Variants in PRKCE observed in about 807,000 individuals in gnomAD.
PRKCE encodes protein kinase C epsilon type.
A neutral mutation model predicts 85.4 loss-of-function variants in PRKCE; 16 were observed. That is an observed-to-expected ratio of 0.19 (90% CI 0.13 to 0.28). PRKCE has a LOEUF of 0.28. PRKCE is among the 10% of genes least tolerant of loss of function. The pLI, the probability that PRKCE is intolerant of heterozygous loss-of-function variation, is 1.00. For missense variants in PRKCE, 573 were observed against 975.2 expected (o/e 0.59, Z 5.49); for synonymous variants, 388 against 371.5 (o/e 1.04, Z -0.51).
intron 2 of PRKCE, among the ~76,000 whole-genome samples, chr2:45,906,799 T>A (rs1052601720): frequency 2.6e-5 from 4 of 152,236 alleles, no homozygotes; most frequent in Admixed American, 2.6e-4. Flanking sequence ...AGGTGCCTGC[T>A]GTATGTGCCT....
intron 10 of PRKCE, among the ~76,000 whole-genome samples, chr2:46,081,112 C>T (rs555659989): frequency 6.6e-6 from 1 of 152,300 alleles, no homozygotes; most frequent in Admixed American, 6.5e-5. Flanking sequence ...CCACCTCAGC[C>T]TCCCAAGTAG....
chr2:45,902,337 C>A (rs1696641127), intron 2 of PRKCE, among the ~76,000 whole-genome samples: 1 of 152,162 alleles, frequency 6.6e-6, no homozygotes, highest in African/African-American at 2.4e-5. Flanking sequence ...TGCCTATAAG[C>A]TCTTACCAAA....
chr2:46,069,721 T>C (rs1241223116), intron 10 of PRKCE, among the ~76,000 whole-genome samples: 1 of 152,234 alleles, frequency 6.6e-6, no homozygotes, highest in African/African-American at 2.4e-5. Context: ...AAAGTCTTGG[T>C]AAAAAGATTT....
intron 1 of PRKCE, among the ~76,000 whole-genome samples, chr2:45,739,095 C>G (rs534797438): frequency 1.5e-4 from 23 of 152,334 alleles, no homozygotes; most frequent in African/African-American, 5.5e-4. Flanking sequence ...AAGATCTTCC[C>G]AAGTGGTGGC....
At chr2:45,743,568 G>A (rs1174916637) in intron 1 of PRKCE, among the ~76,000 whole-genome samples, 1 of 152,054 alleles carries the variant, frequency 6.6e-6, no homozygotes. Flanking sequence ...GATGTAGGAA[G>A]TTAGCTCATC....
chr2:45,848,993 A>G (rs1426209460), intron 2 of PRKCE, among the ~76,000 whole-genome samples: 1 of 152,194 alleles, frequency 6.6e-6, no homozygotes, highest in Non-Finnish European at 1.5e-5. Flanking sequence ...ATTATCAAAG[A>G]CAGCTTTGAA....
At chr2:45,785,127 A>G (rs1196013326) in intron 1 of PRKCE, among the ~76,000 whole-genome samples, 1 of 152,232 alleles carries the variant, frequency 6.6e-6, no homozygotes, top group Non-Finnish European at 1.5e-5. Context: ...GCATTAAAAA[A>G]TACTATGGCC....
At chr2:45,919,911 G>C (rs1413198681) in intron 2 of PRKCE, among the ~76,000 whole-genome samples, 2 of 152,226 alleles carry the variant, frequency 1.3e-5, no homozygotes, top group Non-Finnish European at 1.5e-5. Context: ...CACTAGGTGT[G>C]GAAAAGGGTG....
At chr2:45,839,833 G>A (rs1031477075) in intron 1 of PRKCE, among the ~76,000 whole-genome samples, 7 of 152,166 alleles carry the variant, frequency 4.6e-5, no homozygotes, top group Admixed American at 2.0e-4. Flanking sequence ...GGCGATCTGC[G>A]GCCATCTGCT....
chr2:46,083,511 C>T (rs533978633), intron 10 of PRKCE, among the ~76,000 whole-genome samples: 1 of 151,698 alleles, frequency 6.6e-6, no homozygotes, highest in South Asian at 2.1e-4. Context: ...TGCTAAAGTC[C>T]GAGTCCAGGG....
At chr2:45,760,411 A>C (rs1223020735) in intron 1 of PRKCE, among the ~76,000 whole-genome samples, 7 of 152,058 alleles carry the variant, frequency 4.6e-5, no homozygotes, top group African/African-American at 1.7e-4. Flanking sequence ...AAGTCTACCA[A>C]CTCTTCAGGG....
At chr2:45,968,117 C>A (rs562125092) in intron 2 of PRKCE, among the ~76,000 whole-genome samples, 16 of 152,176 alleles carry the variant, frequency 1.1e-4, no homozygotes, top group Non-Finnish European at 1.5e-4. Context: ...GCTCCATATA[C>A]TCTGGAAGGC....
intron 10 of PRKCE, among the ~76,000 whole-genome samples, chr2:46,024,613 G>A (rs1438650227): frequency 6.6e-6 from 1 of 152,164 alleles, no homozygotes; most frequent in African/African-American, 2.4e-5. Flanking sequence ...GAGCCTGCTG[G>A]TGCTAACAGA....
At chr2:45,949,871 C>G (rs1039607410) in intron 2 of PRKCE, among the ~76,000 whole-genome samples, 21 of 138,042 alleles carry the variant, frequency 1.5e-4, no homozygotes, top group African/African-American at 3.7e-4. Context: ...GATAGCGAAG[C>G]CTTCATTCTT....
At chr2:45,978,093 C>T (rs944164047) in intron 3 of PRKCE, 2 of 152,252 alleles carry the variant, frequency 1.3e-5, no homozygotes, top group African/African-American at 4.8e-5. Flanking sequence ...GCAAGCCCAG[C>T]CCAACTGAGG....
chr2:46,016,122 C>G (rs1376677045), intron 10 of PRKCE, among the ~76,000 whole-genome samples: 1 of 152,176 alleles, frequency 6.6e-6, no homozygotes. Flanking sequence ...CTCTTTACTT[C>G]TGAAGACCAT....
At chr2:45,865,482 G>A (rs772130631) in intron 2 of PRKCE, among the ~76,000 whole-genome samples, 6 of 152,290 alleles carry the variant, frequency 3.9e-5, no homozygotes, top group East Asian at 1.9e-4. Context: ...ATGGAGGATC[G>A]TAGTCTTGAA....
At chr2:45,925,676 C>T (rs766926953) in intron 2 of PRKCE, among the ~76,000 whole-genome samples, 7 of 152,192 alleles carry the variant, frequency 4.6e-5, no homozygotes, top group Non-Finnish European at 8.8e-5. Context: ...GAGTAGTGAA[C>T]CCAAGGGAGA....
chr2:45,917,860 C>G (rs1274786333), intron 2 of PRKCE, among the ~76,000 whole-genome samples: 1 of 152,198 alleles, frequency 6.6e-6, no homozygotes. Context: ...AGCGCAGCGC[C>G]CGTGGGCCGG....
Sources: gnomAD v4.1 joint callset for allele counts (sites outside exome capture counted in the v4.1 genomes callset) on GRCh38, gnomAD v4.1.1 for gene constraint, MANE v1.5 for transcripts, NCBI Gene and HGNC (gene_info 2026-07-23, HGNC 2026-07-21) for gene names.